The following ZNF385D variants were observed in gnomAD, a reference collection of about 807,000 sequenced individuals.
ZNF385D encodes the protein zinc finger protein 385D.
ZNF385D carries 15 observed loss-of-function variants against 35.8 expected under a neutral mutation model. That is an observed-to-expected ratio of 0.42 (90% CI 0.28 to 0.64). ZNF385D has a LOEUF of 0.64. Among genes scored for constraint, ZNF385D ranks in the 30% least tolerant of loss-of-function variants. ZNF385D has a pLI of 0.23. For missense variants in ZNF385D, 474 were observed against 494.6 expected, an observed-to-expected ratio of 0.96 and a Z score of 0.39; for synonymous variants, 212 against 186.8, an observed-to-expected ratio of 1.13 and a Z score of -1.10.
intron 2 of ZNF385D, among the ~76,000 whole-genome samples, chr3:21,615,434 A>G (rs1048048931): frequency 1.2e-4 from 18 of 152,212 alleles, no homozygotes; most frequent in Non-Finnish European, 2.4e-4. Context: ...GTTAATAAAT[A>G]GTAACACAAA....
chr3:22,098,762 A>G (rs1192793574), intron 3 of ZNF385D, among the ~76,000 whole-genome samples: 1 of 152,072 alleles, frequency 6.6e-6, no homozygotes, highest in Non-Finnish European at 1.5e-5. Flanking sequence ...CCCCAAATAA[A>G]GAAAACTATA....
chr3:21,462,854 C>T (rs1703264205), intron 4 of ZNF385D, among the ~76,000 whole-genome samples: 1 of 152,078 alleles, frequency 6.6e-6, no homozygotes, highest in Non-Finnish European at 1.5e-5. Flanking sequence ...TGGTGGCTCA[C>T]ACCTGTAATC....
In ZNF385D at chr3:21,826,816, A is replaced by G. The variant is rs1036478558; in HGVS notation, c.326-161788T>C. ...CATTGGAGGGTTGATAAAGAATCAGAAAATTAAAAAAAAAAAAAAAAAACT... is the reference window on the plus strand; with the variant it reads ...CATTGGAGGGTTGATAAAGAATCAGGAAATTAAAAAAAAAAAAAAAAAACT... On this transcript the variant is annotated intron_variant, in intron 3 of 5. Coordinates refer to the ZNF385D transcript ENST00000494108. Among the ~76,000 whole-genome samples the G allele has an allele frequency of 1.7e-4, 10 of 57,382 alleles. No individual in the cohort carries two copies. In the Admixed American group the frequency reaches 2.2e-3, roughly 13 times the overall value. The allele number at this position is 57,382 out of a possible 152,430, so 37.6% of individuals were successfully genotyped here.
chr3:22,266,097 A>T (rs1319727185), intron 2 of ZNF385D, among the ~76,000 whole-genome samples: 1 of 151,944 alleles, frequency 6.6e-6, no homozygotes, highest in East Asian at 1.9e-4. Flanking sequence ...ATTTCTGTCA[A>T]TGACTGAGGT....
At chr3:22,001,525 A>C (rs756645045) in intron 3 of ZNF385D, among the ~76,000 whole-genome samples, 2 of 152,138 alleles carry the variant, frequency 1.3e-5, no homozygotes, top group Non-Finnish European at 2.9e-5. Context: ...ATAGAGTCCA[A>C]TTTCAATTTT....
intron 3 of ZNF385D, among the ~76,000 whole-genome samples, chr3:21,560,669 G>A (rs1055371877): frequency 6.6e-6 from 1 of 152,196 alleles, no homozygotes. Context: ...GAGCTCGAAC[G>A]CTGTGCTGGG....
At chr3:21,818,605 T>G (rs536051319) in intron 3 of ZNF385D, among the ~76,000 whole-genome samples, 4 of 152,030 alleles carry the variant, frequency 2.6e-5, no homozygotes, top group Non-Finnish European at 5.9e-5. Flanking sequence ...AACTACACAT[T>G]AGAGCATGGG....
At chr3:21,942,348 A>T (rs527340708) in intron 3 of ZNF385D, among the ~76,000 whole-genome samples, 54 of 152,346 alleles carry the variant, frequency 3.5e-4, no homozygotes, top group African/African-American at 1.2e-3. Flanking sequence ...CTTTTGGATT[A>T]TAATCCACAT....
intron 3 of ZNF385D, among the ~76,000 whole-genome samples, chr3:21,934,751 T>C (rs948326058): frequency 5.9e-5 from 9 of 152,204 alleles, no homozygotes; most frequent in African/African-American, 1.2e-4. Context: ...AATTTCTGCC[T>C]TGAGGAAGGC....
At chr3:22,327,698 T>C (rs559297853) in intron 2 of ZNF385D, among the ~76,000 whole-genome samples, 51 of 152,326 alleles carry the variant, frequency 3.3e-4, no homozygotes, top group African/African-American at 1.2e-3. Context: ...TGCATGCTGC[T>C]TGGCAGATAT....
intron 1 of ZNF385D, among the ~76,000 whole-genome samples, chr3:21,724,686 G>T (rs1365699134): frequency 6.6e-6 from 1 of 151,878 alleles, no homozygotes; most frequent in Non-Finnish European, 1.5e-5. Flanking sequence ...CATAAAGAAA[G>T]TTCTTAGAGA....
chr3:22,186,715 C>A (rs1479166192), intron 2 of ZNF385D, among the ~76,000 whole-genome samples: 1 of 151,994 alleles, frequency 6.6e-6, no homozygotes, highest in Non-Finnish European at 1.5e-5. Context: ...TAATTTCATG[C>A]TCTTACTAGA....
intron 2 of ZNF385D, among the ~76,000 whole-genome samples, chr3:22,298,902 T>C (rs1454007595): frequency 6.6e-6 from 1 of 150,858 alleles, no homozygotes; most frequent in Admixed American, 6.6e-5. Context: ...GATGACTGTA[T>C]TATATTACAC....
chr3:21,868,122 T>C (rs921052830), intron 3 of ZNF385D, among the ~76,000 whole-genome samples: 3 of 152,132 alleles, frequency 2.0e-5, no homozygotes, highest in Admixed American at 1.3e-4. Context: ...CATTTCACTA[T>C]CATGAGCAGC....
intron 4 of ZNF385D, among the ~76,000 whole-genome samples, chr3:21,483,726 A>G (rs1393770085): frequency 6.6e-6 from 1 of 152,174 alleles, no homozygotes; most frequent in Non-Finnish European, 1.5e-5. Flanking sequence ...ATTATTTGAC[A>G]AAATGTCTGC....
chr3:21,923,593 A>G (rs1202165414), intron 3 of ZNF385D, among the ~76,000 whole-genome samples: 1 of 152,220 alleles, frequency 6.6e-6, no homozygotes, highest in African/African-American at 2.4e-5. Context: ...AATACCAAAG[A>G]TATGGAATCA....
intron 5 of ZNF385D, chr3:21,436,716 T>C (rs1701569820): frequency 2.5e-6 from 1 of 406,510 alleles, no homozygotes; most frequent in Non-Finnish European, 4.4e-6. Flanking sequence ...TAGGATTGTA[T>C]TTCATTTTAT....
At chr3:21,839,755 G>A (rs1230628092) in intron 3 of ZNF385D, among the ~76,000 whole-genome samples, 1 of 151,982 alleles carries the variant, frequency 6.6e-6, no homozygotes, top group South Asian at 2.1e-4. Flanking sequence ...AGTGGAAAAA[G>A]TGATCCCTGG....
chr3:22,370,634 G>A (rs560246123), intron 2 of ZNF385D, among the ~76,000 whole-genome samples: 116 of 152,258 alleles, frequency 7.6e-4, no homozygotes, highest in African/African-American at 2.6e-3. Flanking sequence ...GTTAACAACC[G>A]ACTTTGGAGT....
Sources: allele counts gnomAD v4.1 joint callset (sites outside exome capture counted in the v4.1 genomes callset), GRCh38; gene constraint gnomAD v4.1.1; transcripts MANE v1.5; gene names NCBI Gene and HGNC (gene_info 2026-07-23, HGNC 2026-07-21).